Variants in DTNB observed in about 807,000 individuals in gnomAD.
DTNB encodes the protein dystrobrevin beta, also known as DTN-B.
A neutral mutation model predicts 90.7 loss-of-function variants in DTNB; 63 were observed. The ratio of observed to expected loss-of-function variants is 0.69; its 90% CI spans 0.57 to 0.86. DTNB has a LOEUF of 0.86. Among genes scored for constraint, DTNB ranks in the 40% least tolerant of loss-of-function variants. The pLI, the probability that DTNB is intolerant of heterozygous loss-of-function variation, is 0.00. For missense variants in DTNB, 744 were observed against 807.1 expected, an observed-to-expected ratio of 0.92 and a Z score of 0.95; for synonymous variants, 277 against 286.7, an observed-to-expected ratio of 0.97 and a Z score of 0.34.
chr2:25,400,347 C>T (rs1434782772), intron 16 of DTNB, among the ~76,000 whole-genome samples: 1 of 152,214 alleles, frequency 6.6e-6, no homozygotes, highest in African/African-American at 2.4e-5. Flanking sequence ...AAATGCACCT[C>T]GTCTCAAAAG....
intron 7 of DTNB, among the ~76,000 whole-genome samples, chr2:25,579,119 G>A (rs2061172696): frequency 6.6e-6 from 1 of 152,162 alleles, no homozygotes; most frequent in Non-Finnish European, 1.5e-5. Flanking sequence ...ATCTTGACAA[G>A]TGAGGCTCTT....
chr2:25,462,894 G>A (rs189163804), intron 10 of DTNB, among the ~76,000 whole-genome samples: 33 of 152,070 alleles, frequency 2.2e-4, no homozygotes, highest in East Asian at 9.7e-4. Flanking sequence ...TAGTAGAGAC[G>A]GGGTTTCACC....
chr2:25,628,487 AG>A lies in DTNB; in HGVS notation c.149-104del. ...CAACTAGTTCTTAAGTTTAAAGAGA[AG>A]AAACTCTTTAGCCAACAATGAGGAA... On this transcript the variant is annotated intron_variant, in intron 3 of 20. Transcript: ENST00000406818. 7 of 1,104,916 alleles carry A rather than the reference AG, an allele frequency of 6.3e-6. No homozygotes were observed. In the South Asian group the frequency reaches 1.1e-4, roughly 18 times the overall value. 68.4% of individuals were successfully genotyped at this position (1,104,916 alleles called of 1,614,324 possible).
intron 4 of DTNB, among the ~76,000 whole-genome samples, chr2:25,626,135 T>A (rs960441055): frequency 6.6e-6 from 1 of 152,228 alleles, no homozygotes; most frequent in Non-Finnish European, 1.5e-5. Context: ...AGCGCCATAG[T>A]ATTTAACTTA....
intron 3 of DTNB, among the ~76,000 whole-genome samples, chr2:25,636,980 G>A (rs2077253362): frequency 6.6e-6 from 1 of 151,936 alleles, no homozygotes; most frequent in African/African-American, 2.4e-5. Flanking sequence ...CAGCTGTAAC[G>A]TGATTTGCCC....
At chr2:25,437,849 T>C (rs1225044331) in intron 12 of DTNB, among the ~76,000 whole-genome samples, 3 of 152,184 alleles carry the variant, frequency 2.0e-5, no homozygotes, top group Admixed American at 6.5e-5. Context: ...AGGGATGTTC[T>C]GGTGAATAGC....
chr2:25,447,898 T>C (rs2058670992), intron 12 of DTNB, among the ~76,000 whole-genome samples: 1 of 152,030 alleles, frequency 6.6e-6, no homozygotes, highest in East Asian at 1.9e-4. Flanking sequence ...CTCTTCACTT[T>C]GCACGTAACC....
At position 25,569,687 on chromosome 2, in the gene DTNB, C is replaced by T. The variant is rs533993608; in HGVS notation, c.876+7151G>A. Among the ~76,000 whole-genome samples the T allele has an allele frequency of 3.3e-5, 5 of 152,284 alleles. No individual in the cohort carries two copies. In the East Asian group the frequency reaches 9.6e-4, roughly 29 times the overall value. On this transcript the variant is annotated intron_variant, in intron 8 of 20. Coordinates refer to ENST00000406818, the MANE Select transcript of DTNB (RefSeq NM_021907.5). ...TACTGGCAAGTCCACAGTTTCCCCA[C>T]AATTAAAACTACTTTCTCAAACAGA... is the stretch of plus-strand genomic sequence containing the variant.
chr2:25,456,153 T>C (rs1329319867), intron 10 of DTNB, among the ~76,000 whole-genome samples: 1 of 152,200 alleles, frequency 6.6e-6, no homozygotes, highest in African/African-American at 2.4e-5. Flanking sequence ...TACAGAAATA[T>C]TAAAACTTGC....
intron 14 of DTNB, among the ~76,000 whole-genome samples, chr2:25,432,550 G>T (rs111480834): frequency 6.6e-6 from 1 of 152,320 alleles, no homozygotes; most frequent in African/African-American, 2.4e-5. Flanking sequence ...CCCGCCAAGT[G>T]TCTCTAAAGT....
At chr2:25,532,518 G>A (rs371706275) in intron 8 of DTNB, among the ~76,000 whole-genome samples, 15 of 152,274 alleles carry the variant, frequency 9.9e-5, no homozygotes, top group South Asian at 8.3e-4. Flanking sequence ...CATTCTTCTG[G>A]AAGGTAGAAT....
intron 9 of DTNB, among the ~76,000 whole-genome samples, chr2:25,510,576 C>T (rs927807230): frequency 2.0e-5 from 3 of 151,672 alleles, no homozygotes; most frequent in Admixed American, 1.3e-4. Flanking sequence ...GATGCGATCT[C>T]GGCTCACTGC....
intron 16 of DTNB, among the ~76,000 whole-genome samples, chr2:25,413,441 G>T (rs566156104): frequency 3.7e-5 from 5 of 133,750 alleles, no homozygotes; most frequent in Admixed American, 1.7e-4. Context: ...ACAGGCCCCG[G>T]TGTGTGATGT....
intron 16 of DTNB, among the ~76,000 whole-genome samples, chr2:25,407,822 A>G (rs779404928): frequency 1.2e-4 from 19 of 152,190 alleles, no homozygotes; most frequent in Non-Finnish European, 2.5e-4. Flanking sequence ...ATTGGGTGCA[A>G]TGTACACTAG....
chr2:25,417,881 G>C (rs2048357488), intron 16 of DTNB, among the ~76,000 whole-genome samples: 1 of 152,158 alleles, frequency 6.6e-6, no homozygotes, highest in African/African-American at 2.4e-5. Context: ...TCCAACATCT[G>C]CTTCTCTGGG....
chr2:25,419,896 T>C, intron 15 of DTNB, among the ~76,000 whole-genome samples: 1 of 152,284 alleles, frequency 6.6e-6, no homozygotes, highest in East Asian at 1.9e-4. Context: ...AACCATGACT[T>C]GAAATTGTAA....
chr2:25,464,921 C>T (rs528948421), intron 10 of DTNB, among the ~76,000 whole-genome samples: 1 of 152,232 alleles, frequency 6.6e-6, no homozygotes, highest in Non-Finnish European at 1.5e-5. Context: ...GCCAGGGAGA[C>T]AGGATGACTA....
chr2:25,474,330 G>A (rs1277672382), intron 10 of DTNB, among the ~76,000 whole-genome samples: 1 of 148,790 alleles, frequency 6.7e-6, no homozygotes, highest in South Asian at 2.1e-4. Flanking sequence ...AACTATTCTT[G>A]TGTTGACTTG....
At chr2:25,433,848 G>T in intron 13 of DTNB, 62 bp downstream of exon 13, 1 of 1,577,114 alleles carries the variant, frequency 6.3e-7, no homozygotes, top group Non-Finnish European at 8.7e-7. Flanking sequence ...AGGAAAATGA[G>T]AATCAGATAC....
Sources: gnomAD v4.1 joint callset for allele counts (sites outside exome capture counted in the v4.1 genomes callset) on GRCh38, gnomAD v4.1.1 for gene constraint, MANE v1.5 for transcripts, NCBI Gene and HGNC (gene_info 2026-07-23, HGNC 2026-07-21) for gene names.